The following PI4KA variants were observed in gnomAD, a reference collection of about 807,000 sequenced individuals.
The protein encoded by PI4KA is phosphatidylinositol 4-kinase alpha.
Under a neutral mutation model 271.4 loss-of-function variants are expected in PI4KA, and 122 were observed. The ratio of observed to expected loss-of-function variants is 0.45; its 90% CI spans 0.39 to 0.52. The LOEUF is 0.52. PI4KA is among the 20% of genes least tolerant of loss of function. PI4KA has a pLI of 0.00. For synonymous variants in PI4KA, 1,041 were observed against 1,078.8 expected, an observed-to-expected ratio of 0.96 and a Z score of 0.69; for missense variants, 1,969 against 2,769.1, an observed-to-expected ratio of 0.71 and a Z score of 6.48.
intron 22 of PI4KA, among the ~76,000 whole-genome samples, chr22:20,763,864 G>C (rs1039506776): frequency 2.6e-5 from 4 of 152,236 alleles, no homozygotes; most frequent in Admixed American, 2.6e-4. Context: ...GCTGAGGGCA[G>C]GGAGGAGGAG....
chr22:20,818,750 T>C (rs528464875), intron 6 of PI4KA, among the ~76,000 whole-genome samples: 1 of 152,362 alleles, frequency 6.6e-6, no homozygotes, highest in East Asian at 1.9e-4. Flanking sequence ...TTTAGCCGTA[T>C]ATTTGACACT....
intron 3 of PI4KA, among the ~76,000 whole-genome samples, chr22:20,828,031 T>C (rs546258601): frequency 3.3e-5 from 5 of 152,298 alleles, no homozygotes; most frequent in African/African-American, 1.2e-4. Flanking sequence ...TGACCTCAAG[T>C]GATCCACCTG....
At chr22:20,803,507 A>G (rs991584661) in intron 12 of PI4KA, among the ~76,000 whole-genome samples, 187 bp from the exon 13 acceptor site, 1 of 152,130 alleles carries the variant, frequency 6.6e-6, no homozygotes, top group Non-Finnish European at 1.5e-5. Flanking sequence ...TCCTCCACCT[A>G]TAGGGGACAT....
chr22:20,717,668 G>C (rs771133530), intron 45 of PI4KA, 40 bp downstream of exon 45: 2 of 1,494,278 alleles, frequency 1.3e-6, no homozygotes, highest in South Asian at 1.2e-5. Flanking sequence ...CCCGCCTGCA[G>C]GAAGAGGTTG....
At chr22:20,748,668 A>G (rs933661109) in intron 28 of PI4KA, among the ~76,000 whole-genome samples, 1 of 152,246 alleles carries the variant, frequency 6.6e-6, no homozygotes, top group African/African-American at 2.4e-5. Context: ...AGAAATGTAC[A>G]GGAGTATATA....
chr22:20,711,122 CAG>C (rs1925216891), intron 51 of PI4KA: 1 of 546,566 alleles, frequency 1.8e-6, no homozygotes, highest in Non-Finnish European at 3.2e-6. Context: ...GCTTCTGACT[CAG>C]AGCAATGGCG....
At chr22:20,760,881 C>G (rs573845894) in intron 23 of PI4KA, among the ~76,000 whole-genome samples, 1 of 152,318 alleles carries the variant, frequency 6.6e-6, no homozygotes, top group Admixed American at 6.5e-5. Context: ...TCACTGCAAT[C>G]TTGAACTCCT....
intron 1 of PI4KA, among the ~76,000 whole-genome samples, chr22:20,853,441 G>A (rs887862139): frequency 2.0e-5 from 3 of 152,186 alleles, no homozygotes; most frequent in Admixed American, 6.5e-5. Flanking sequence ...CAAGACTAGC[G>A]GGCAGATAGA....
At chr22:20,726,603 C>T in intron 41 of PI4KA, 62 bp from the exon 42 acceptor site, 2 of 1,419,076 alleles carry the variant, frequency 1.4e-6, no homozygotes, top group Non-Finnish European at 1.9e-6. Flanking sequence ...ACCCTACGGC[C>T]CAGGCCCTGC....
chr22:20,735,686 G>A (rs1253120503), intron 32 of PI4KA, among the ~76,000 whole-genome samples: 1 of 152,198 alleles, frequency 6.6e-6, no homozygotes, highest in Non-Finnish European at 1.5e-5. Flanking sequence ...TGTGAGGGTG[G>A]AGACAAAGGC....
intron 9 of PI4KA, among the ~76,000 whole-genome samples, chr22:20,809,742 A>G (rs866778605): frequency 6.6e-6 from 1 of 152,198 alleles, no homozygotes; most frequent in Non-Finnish European, 1.5e-5. Flanking sequence ...CAGAACGACA[A>G]CCTGAAAAAG....
chr22:20,780,214 T>C, intron 19 of PI4KA: 1 of 1,614,202 alleles, frequency 6.2e-7, no homozygotes, highest in Non-Finnish European at 8.5e-7. Flanking sequence ...AAGAGGCACC[T>C]TTACAGTTCT....
rs1032157566 is a variant in PI4KA at position 20,793,209 on chromosome 22, A to G, written c.2312T>C (p.Ile771Thr). The change falls in exon 19 of 55, where the codon ATT (isoleucine) becomes ACT (threonine). Residue 771 changes from isoleucine (I) to threonine (T), a missense_variant. Ile to Thr is a moderately conservative substitution (Grantham distance 89). Coordinates refer to ENST00000255882, the MANE Select transcript of PI4KA (RefSeq NM_058004.4). Reference protein sequence around the residue: ...SSSAGNLGVLIPVIAVLTRRL... With the variant: ...SSSAGNLGVLTPVIAVLTRRL... ...AATACTCACCACAGCTATTACAGGAATGAGTACTCCCAAGTTCCCTGCACT... is the reference window on the plus strand; with the variant it reads ...AATACTCACCACAGCTATTACAGGAGTGAGTACTCCCAAGTTCCCTGCACT... The G allele has an allele frequency of 2.5e-6, 4 of 1,569,024 alleles. No homozygotes were observed. Among genetic ancestry groups the G allele is most frequent in the African/African-American group, 1.3e-5 (1 of 74,114 alleles).
In PI4KA at chr22:20,796,289, C is replaced by A. The variant is rs1177992602; in HGVS notation, c.2134G>T (p.Ala712Ser). 6.2e-7 allele frequency: 1 copy of A among 1,613,816 alleles called. No individual in the cohort carries two copies. The highest frequency in any genetic ancestry group is 1.7e-5 in the Admixed American group (1 of 59,980). Residue 712 changes from alanine to serine, a missense_variant, in exon 18 of 55, where the codon GCC becomes TCC. This residue lies in a region of PI4KA where 368 missense variants were observed against 544.3 expected (regional missense o/e 0.68). Coordinates refer to ENST00000255882, the MANE Select transcript of PI4KA (RefSeq NM_058004.4). ...ATGTTGGCCGCGATGTTGGCCAGGG[C>A]ATTAATCACTGCCAGGGAGCAATGC... is the stretch of plus-strand genomic sequence containing the variant. ...YRHCSLAVINALANIAANIQD... is the reference protein window; with the variant it reads ...YRHCSLAVINSLANIAANIQD...
intron 19 of PI4KA, among the ~76,000 whole-genome samples, chr22:20,768,986 G>A (rs1932760002): frequency 6.6e-6 from 1 of 152,180 alleles, no homozygotes; most frequent in Non-Finnish European, 1.5e-5. Flanking sequence ...GGTCCCAAGT[G>A]ATGGTGGAGA....
Position 20,765,578 on chromosome 22 carries a change from C to G in PI4KA, c.2437+7G>C. ...CGTCTTCACTGGGAGAGAGATGATCCCCCTACCTGAGCCCTCCACAGCGAA... is the reference window on the plus strand; with the variant it reads ...CGTCTTCACTGGGAGAGAGATGATCGCCCTACCTGAGCCCTCCACAGCGAA... On this transcript the variant is annotated splice_region_variant and intron_variant, in intron 20 of 54. Coordinates refer to ENST00000255882, the MANE Select transcript of PI4KA (RefSeq NM_058004.4). 5 of 1,561,288 alleles carry G rather than the reference C, an allele frequency of 3.2e-6. No individual in the cohort carries two copies. Among genetic ancestry groups the G allele is most frequent in the Non-Finnish European group, 3.5e-6 (4 of 1,132,916 alleles).
intron 2 of PI4KA, among the ~76,000 whole-genome samples, chr22:20,836,318 TG>T (rs1340354205): frequency 6.6e-6 from 1 of 152,142 alleles, no homozygotes; most frequent in Admixed American, 6.5e-5. Context: ...GCACTAAGTC[TG>T]GGGGGACTTT....
chr22:20,812,387 G>A (rs569453204), intron 8 of PI4KA, among the ~76,000 whole-genome samples: 1 of 152,156 alleles, frequency 6.6e-6, no homozygotes, highest in African/African-American at 2.4e-5. Flanking sequence ...CAGCAGGGAG[G>A]TGGCCACTCC....
chr22:20,786,938 G>A lies in PI4KA; in HGVS notation c.2328+6255C>T, dbSNP rs748681275. The A allele has an allele frequency of 5.0e-6, 8 of 1,614,150 alleles. No homozygotes were observed. The South Asian group carries it at 8.8e-5, about 18-fold the overall frequency. On this transcript the variant is annotated intron_variant, in intron 19 of 54. Transcript: ENST00000255882. Reference sequence around the variant, plus strand: ...CACCCAAGCCACCACTGTGACCACGGTGGGGTTCATGCCGCTGTCCACCCA... The same window carrying A: ...CACCCAAGCCACCACTGTGACCACGATGGGGTTCATGCCGCTGTCCACCCA...
Sources: gnomAD v4.1 joint callset for allele counts (sites outside exome capture counted in the v4.1 genomes callset) on GRCh38, gnomAD v4.1.1 for gene constraint, gnomAD v4.1.1 regional missense constraint, MANE v1.5 for transcripts, NCBI Gene and HGNC (gene_info 2026-07-23, HGNC 2026-07-21) for gene names.